The following SCAF8 variants were observed in gnomAD, a reference collection of about 807,000 sequenced individuals.
SCAF8 encodes the protein SR-related CTD associated factor 8.
A neutral mutation model predicts 140.5 loss-of-function variants in SCAF8; 23 were observed. That is an observed-to-expected ratio of 0.16 (90% confidence interval 0.12 to 0.23). The LOEUF is 0.23. Among genes scored for constraint, SCAF8 ranks in the 10% least tolerant of loss-of-function variants. SCAF8 has a pLI of 1.00. For synonymous variants in SCAF8, 575 were observed against 528.9 expected (o/e 1.09, Z -1.20); for missense variants, 1,397 against 1,555.7 (o/e 0.90, Z 1.72).
intron 11 of SCAF8, among the ~76,000 whole-genome samples, chr6:154,809,433 T>C (rs1316877386): frequency 6.6e-6 from 1 of 152,138 alleles, no homozygotes; most frequent in Non-Finnish European, 1.5e-5. Context: ...AGTTCAACTT[T>C]CTCTAAACCC....
intron 3 of SCAF8, among the ~76,000 whole-genome samples, chr6:154,780,354 C>CTTTTTTTTTTTTTTTTTTTTT (rs74777379): frequency 7.4e-6 from 1 of 135,460 alleles, no homozygotes; most frequent in South Asian, 2.4e-4. Flanking sequence ...TAGTTCCTTC[C>CTTTTTTTTTTTTTTTTTTTTT]TTTTTTTTTT....
rs764962776 is a variant in SCAF8 at position 154,815,821 on chromosome 6, G to GT, written c.1521+6dup. 10 of 1,560,258 alleles carry GT rather than the reference G, an allele frequency of 6.4e-6. No individual in the cohort carries two copies. Among genetic ancestry groups the GT allele is most frequent in the Non-Finnish European group, 8.0e-6 (9 of 1,132,060 alleles). ...GGACAGATTGAATCCATTAATGCAA[G>GT]TATCAGTTCTTAATAATTTAAGGTT... On this transcript the variant is annotated splice_donor_region_variant and intron_variant, in intron 13 of 19. Transcript: ENST00000367178.
At chr6:154,765,635 A>G (rs754710989) in intron 1 of SCAF8, among the ~76,000 whole-genome samples, 3 of 152,210 alleles carry the variant, frequency 2.0e-5, no homozygotes, top group Admixed American at 6.5e-5. Flanking sequence ...GTTAAGTCAC[A>G]TATCTTTGAT....
chr6:154,740,504 A>G (rs1253771748), intron 1 of SCAF8, among the ~76,000 whole-genome samples: 6 of 152,096 alleles, frequency 3.9e-5, no homozygotes, highest in Non-Finnish European at 7.3e-5. Context: ...TTACCACTAG[A>G]TAATAAGCTC....
intron 1 of SCAF8, among the ~76,000 whole-genome samples, chr6:154,736,210 GT>G (rs1459326258): frequency 6.8e-6 from 1 of 147,820 alleles, no homozygotes; most frequent in Non-Finnish European, 1.5e-5. Flanking sequence ...TTGGGTGTCT[GT>G]CTTTGGGGGG....
intron 7 of SCAF8, among the ~76,000 whole-genome samples, chr6:154,802,372 C>T (rs1459585949): frequency 6.6e-6 from 1 of 152,050 alleles, no homozygotes; most frequent in African/African-American, 2.4e-5. Context: ...TAATCCCCAG[C>T]ACTTTGGGGG....
chr6:154,806,534 A>G (rs1777919794), intron 9 of SCAF8, among the ~76,000 whole-genome samples: 1 of 152,210 alleles, frequency 6.6e-6, no homozygotes, highest in Non-Finnish European at 1.5e-5. Context: ...GAGCACGTAC[A>G]TCTGTATGAA....
intron 1 of SCAF8, among the ~76,000 whole-genome samples, chr6:154,752,506 T>C (rs796523658): frequency 5.8e-4 from 88 of 152,294 alleles, no homozygotes; most frequent in African/African-American, 2.0e-3. Flanking sequence ...TTTTTTTTAT[T>C]TAAGAGGCTG....
At chr6:154,736,215 T>TG (rs1234279946) in intron 1 of SCAF8, among the ~76,000 whole-genome samples, 3 of 148,778 alleles carry the variant, frequency 2.0e-5, no homozygotes, top group African/African-American at 5.0e-5. Flanking sequence ...TGTCTGTCTT[T>TG]GGGGGGGTTC....
intron 6 of SCAF8, among the ~76,000 whole-genome samples, chr6:154,796,740 A>C (rs1335956636): frequency 6.6e-6 from 1 of 152,184 alleles, no homozygotes; most frequent in East Asian, 1.9e-4. Context: ...TGGGAGGCCC[A>C]TGTAGGTGGA....
At position 154,822,327 on chromosome 6, in the gene SCAF8, C is replaced by T; in HGVS notation, c.1844C>T (p.Thr615Ile). The change falls in exon 16 of 20, where the codon ACT becomes ATT. Residue 615 changes from threonine to isoleucine, a missense_variant. Coordinates refer to ENST00000367178, the MANE Select transcript of SCAF8 (RefSeq NM_014892.5). Reference protein sequence around the residue: ...SEPVKETVQTTQSPTPVEKET... With the variant: ...SEPVKETVQTIQSPTPVEKET... ...CCTGTTAAAGAGACGGTCCAGACAA[C>T]TCAGAGCCCAACTCCAGTTGAAAAG... 1.2e-6 allele frequency: 2 copies of T among 1,613,712 alleles called. No homozygotes were observed. Among genetic ancestry groups the T allele is most frequent in the South Asian group, 2.2e-5 (2 of 91,012 alleles).
chr6:154,736,560 C>T (rs1237747639), intron 1 of SCAF8, among the ~76,000 whole-genome samples: 1 of 152,200 alleles, frequency 6.6e-6, no homozygotes, highest in Non-Finnish European at 1.5e-5. Flanking sequence ...GCGTGAGCCA[C>T]TGCGCCTGGC....
rs769424710 is a variant in SCAF8 at position 154,832,164 on chromosome 6, T to A, written c.2585T>A (p.Val862Glu). The part of the protein sequence containing the change: ...SGILGIQPPS[V>E]SNSSGLLGVL... ...ATATTGGGAATACAGCCACCCAGTG[T>A]GTCAAATAGTTCTGGACTTTTGGGA... The change falls in exon 20 of 20, where the codon GTG becomes GAG. Residue 862 changes from valine (V) to glutamate (E), a missense_variant. Physicochemically the swap from Val to Glu is moderately radical, Grantham distance 121 (BLOSUM62 -2). Around this residue, in one of 5 missense-constraint regions of SCAF8, gnomAD observed 930 missense variants for 874.6 expected, o/e 1.06. Transcript: ENST00000367178. 6.2e-6 allele frequency: 10 copies of A among 1,614,012 alleles called. No individual in the cohort carries two copies. Among genetic ancestry groups the A allele is most frequent in the Non-Finnish European group, 7.6e-6 (9 of 1,180,006 alleles).
At chr6:154,784,461 A>G (rs913204652) in intron 3 of SCAF8, among the ~76,000 whole-genome samples, 1 of 152,132 alleles carries the variant, frequency 6.6e-6, no homozygotes, top group African/African-American at 2.4e-5. Flanking sequence ...TGCTTTATTT[A>G]AGAAACCAGG....
chr6:154,757,909 CTTTTTTTTT>C (rs750337401), intron 1 of SCAF8, among the ~76,000 whole-genome samples: 1 of 132,636 alleles, frequency 7.5e-6, no homozygotes, highest in Non-Finnish European at 1.6e-5. Context: ...GTAAGTTTCA[CTTTTTTTTT>C]TTTTTTTTTT....
intron 8 of SCAF8, among the ~76,000 whole-genome samples, chr6:154,804,028 T>A (rs1583050545): frequency 2.0e-5 from 3 of 151,884 alleles, no homozygotes. Flanking sequence ...AGGATTGGAG[T>A]TATGAGGATT....
chr6:154,822,229 A>G (rs1300613584), intron 15 of SCAF8, 47 bp from the exon 16 acceptor site: 1 of 1,558,834 alleles, frequency 6.4e-7, no homozygotes, highest in African/African-American at 1.4e-5. Context: ...AAGAAAATGA[A>G]AAGTTGCACC....
At position 154,781,498 on chromosome 6, in the gene SCAF8, C is replaced by T. The variant is rs186809346; in HGVS notation, c.159+3453C>T. Among the ~76,000 whole-genome samples the T allele has an allele frequency of 4.1e-3, 624 of 152,252 alleles. 5 individuals carry two copies. The highest frequency in any genetic ancestry group is 0.014 in the African/African-American group (565 of 41,562). On this transcript the variant is annotated intron_variant, in intron 3 of 19. Coordinates refer to ENST00000367178, the MANE Select transcript of SCAF8 (RefSeq NM_014892.5). ...AATTAGAAAAAACTACTTTAAATTTCACATGGAATAGGAAAAGGGCCTGTA... is the reference window on the plus strand; with the variant it reads ...AATTAGAAAAAACTACTTTAAATTTTACATGGAATAGGAAAAGGGCCTGTA...
rs980267864 is a variant in SCAF8, at chr6:154,797,161, C to T, written c.606+2022C>T. 2.1e-5 allele frequency among the ~76,000 whole-genome samples: 3 copies of T among 143,474 alleles called. No individual in the cohort carries two copies. The East Asian group carries it at 5.8e-4, about 28-fold the overall frequency. 94.1% of individuals were successfully genotyped at this position (143,474 alleles called of 152,430 possible). A position where few individuals can be genotyped will look rare whatever the true frequency, so the allele number is the denominator to read the frequency against. On this transcript the variant is annotated intron_variant, in intron 6 of 19. Coordinates refer to ENST00000367178, the MANE Select transcript of SCAF8 (RefSeq NM_014892.5). ...ATCTGTTTTGTTTTTCATAGTTGTA[C>T]GTAATTTTTTTAAAAACTAACTTTG... is the stretch of plus-strand genomic sequence containing the variant.
Sources: allele counts gnomAD v4.1 joint callset (sites outside exome capture counted in the v4.1 genomes callset), GRCh38; gene constraint gnomAD v4.1.1; regional missense constraint gnomAD v4.1.1; transcripts MANE v1.5; gene names NCBI Gene and HGNC (gene_info 2026-07-23, HGNC 2026-07-21).